PRKAG2: variants seen among roughly 807,000 people sequenced by gnomAD.
PRKAG2 encodes the protein protein kinase AMP-activated non-catalytic subunit gamma 2.
Under a neutral mutation model 69.6 loss-of-function variants are expected in PRKAG2, and 26 were observed. That is an observed-to-expected ratio of 0.37 (90% CI 0.27 to 0.52). The LOEUF is 0.52. Among genes scored for constraint, PRKAG2 ranks in the 20% least tolerant of loss-of-function variants. The pLI, the probability that PRKAG2 is intolerant of heterozygous loss-of-function variation, is 0.90. For missense variants in PRKAG2, 557 were observed against 740.0 expected, an observed-to-expected ratio of 0.75 and a Z score of 2.87; for synonymous variants, 293 against 285.0, an observed-to-expected ratio of 1.03 and a Z score of -0.28.
In PRKAG2 at chr7:151,813,724, G is replaced by A. The variant is rs112203305; in HGVS notation, c.115-27183C>T. 9.9e-3 allele frequency among the ~76,000 whole-genome samples: 1,503 copies of A among 152,162 alleles called. 21 individuals carry two copies. The highest frequency in any genetic ancestry group is 0.034 in the African/African-American group (1,408 of 41,516). Reference sequence around the variant, plus strand: ...TTCAGCCACTGAGGAGGCCATCTACGATCTTCTCTTCCTTCCCTTCCTCTC... The same window carrying A: ...TTCAGCCACTGAGGAGGCCATCTACAATCTTCTCTTCCTTCCCTTCCTCTC... On this transcript the variant is annotated intron_variant, in intron 1 of 15. Transcript: ENST00000287878.
chr7:151,626,638 T>C (rs531122021), intron 5 of PRKAG2, among the ~76,000 whole-genome samples: 2 of 152,204 alleles, frequency 1.3e-5, no homozygotes, highest in East Asian at 1.9e-4. Flanking sequence ...TGCCCCGCAG[T>C]AGAGTCAAGA....
chr7:151,629,287 G>C (rs763820198), intron 5 of PRKAG2, among the ~76,000 whole-genome samples: 92 of 152,230 alleles, frequency 6.0e-4, no homozygotes, highest in Non-Finnish European at 1.1e-3. Context: ...TCTGTGAACC[G>C]GCAGCAGGAG....
chr7:151,641,413 A>C (rs1826678598), intron 4 of PRKAG2, among the ~76,000 whole-genome samples: 1 of 151,558 alleles, frequency 6.6e-6, no homozygotes, highest in Middle Eastern at 3.2e-3. Flanking sequence ...ACACCCAGCA[A>C]ATTTTTTGTA....
In PRKAG2 at chr7:151,598,962, C is replaced by G. The variant is rs1199442957; in HGVS notation, c.755-3508G>C. 2.0e-5 allele frequency among the ~76,000 whole-genome samples: 3 copies of G among 152,058 alleles called. No homozygotes were observed. In the East Asian group the frequency reaches 5.8e-4, roughly 29 times the overall value. ...TGCCTCCAAGGTTCAAGAGATTCTC[C>G]TGCCTCAGCCTCCCGAGTAGCTGGG... is the stretch of plus-strand genomic sequence containing the variant. On this transcript the variant is annotated intron_variant, in intron 5 of 15. Coordinates refer to ENST00000287878, the MANE Select transcript of PRKAG2 (RefSeq NM_016203.4).
At position 151,632,491 on chromosome 7, in the gene PRKAG2, G is replaced by T; in HGVS notation, c.685-353C>A. ...GGGCCCGGGGCGCCCCCCTCCGGCC[G>T]TGGCCCGCGTCCTCCCCGCCGTGCC... is the stretch of plus-strand genomic sequence containing the variant. On this transcript the variant is annotated intron_variant, in intron 4 of 15. Coordinates refer to ENST00000287878, the MANE Select transcript of PRKAG2 (RefSeq NM_016203.4). This position sits in a 1 kb window ranked among gnomAD's most constrained non-coding sequence, Gnocchi z 4.2. The T allele has an allele frequency of 2.3e-6, 2 of 855,166 alleles. No homozygotes were observed. Among genetic ancestry groups the T allele is most frequent in the Non-Finnish European group, 1.4e-6 (1 of 712,004 alleles). 53.0% of individuals were successfully genotyped at this position (855,166 alleles called of 1,614,324 possible). A position where few individuals can be genotyped will look rare whatever the true frequency, so the allele number is the denominator to read the frequency against.
intron 1 of PRKAG2, among the ~76,000 whole-genome samples, chr7:151,798,597 GA>G (rs1168964432): frequency 4.6e-5 from 7 of 152,368 alleles, no homozygotes; most frequent in Admixed American, 3.3e-4. Flanking sequence ...TTACAGGCAT[GA>G]GCCGCTGTAC....
intron 3 of PRKAG2, among the ~76,000 whole-genome samples, chr7:151,722,414 A>G (rs1023515124): frequency 1.3e-5 from 2 of 152,110 alleles, no homozygotes; most frequent in African/African-American, 4.8e-5. Flanking sequence ...TCAGCCAAGG[A>G]TGTCTTGCCA....
Position 151,876,958 on chromosome 7 carries a change from C to T in PRKAG2, c.-338G>A, listed in dbSNP as rs73728442. 42 of 399,304 alleles carry T rather than the reference C, an allele frequency of 1.1e-4. No individual in the cohort carries two copies. Among genetic ancestry groups the T allele is most frequent in the African/African-American group, 8.2e-4 (40 of 49,064 alleles). The allele number at this position is 399,304 out of a possible 1,614,324, so 24.7% of individuals were successfully genotyped here. A position where few individuals can be genotyped will look rare whatever the true frequency, so the allele number is the denominator to read the frequency against. ...TGCAAAGCTAAGAAACATTTTCCAC[C>T]CTCTCGGCTCCTCCCACAGATTCCC... On this transcript the variant is annotated 5_prime_UTR_variant, in exon 1 of 16. Transcript: ENST00000287878.
At chr7:151,838,258 G>A (rs1029687991) in intron 1 of PRKAG2, among the ~76,000 whole-genome samples, 1 of 152,144 alleles carries the variant, frequency 6.6e-6, no homozygotes, top group Non-Finnish European at 1.5e-5. Flanking sequence ...GGGCTGTGGC[G>A]TTGCACCACT....
chr7:151,814,334 G>A lies in PRKAG2; in HGVS notation c.115-27793C>T. ...CAGTCTTACACACCAAGGAGACAAA[G>A]CATCGTGAGGGGGAAAACCGCACAC... On this transcript the variant is annotated intron_variant, in intron 1 of 15. Coordinates refer to ENST00000287878, the MANE Select transcript of PRKAG2 (RefSeq NM_016203.4). The surrounding 1 kb of genome is among the most constrained non-coding windows in gnomAD (Gnocchi z 4.8). 6.1e-6 allele frequency: 6 copies of A among 980,490 alleles called. No homozygotes were observed. Among genetic ancestry groups the A allele is most frequent in the Non-Finnish European group, 7.7e-6 (6 of 776,942 alleles). The allele number at this position is 980,490 out of a possible 1,614,324, so 60.7% of individuals were successfully genotyped here.
chr7:151,684,743 A>T (rs1563423081), intron 3 of PRKAG2, among the ~76,000 whole-genome samples: 1 of 152,012 alleles, frequency 6.6e-6, no homozygotes, highest in African/African-American at 2.4e-5. Context: ...CTCAGTGTGG[A>T]GGTGAGAAAT....
rs547045396 is a variant in PRKAG2 at position 151,828,710 on chromosome 7, C to T, written c.115-42169G>A. 1.6e-4 allele frequency among the ~76,000 whole-genome samples: 24 copies of T among 150,406 alleles called. No homozygotes were observed. Among genetic ancestry groups the T allele is most frequent in the African/African-American group, 5.2e-4 (21 of 40,770 alleles). On this transcript the variant is annotated intron_variant, in intron 1 of 15. Coordinates refer to ENST00000287878, the MANE Select transcript of PRKAG2 (RefSeq NM_016203.4). The surrounding 1 kb of genome is among the most constrained non-coding windows in gnomAD (Gnocchi z 4.6). Reference sequence around the variant, plus strand: ...CCAAAATGGGAGGACTGCTTGAGCTCGGGAGTTTGAGACCAGACTGGACAA... The same window carrying T: ...CCAAAATGGGAGGACTGCTTGAGCTTGGGAGTTTGAGACCAGACTGGACAA...
At chr7:151,874,820 T>C (rs1194869343) in intron 1 of PRKAG2, among the ~76,000 whole-genome samples, 4 of 152,066 alleles carry the variant, frequency 2.6e-5, no homozygotes, top group Non-Finnish European at 5.9e-5. Flanking sequence ...CCTGGGGAGG[T>C]TGAGGCTGCA....
intron 8 of PRKAG2, 26 bp downstream of exon 8, chr7:151,574,865 C>G: frequency 6.2e-7 from 1 of 1,613,560 alleles, no homozygotes; most frequent in Non-Finnish European, 8.5e-7. Context: ...GCTCCAACTA[C>G]TGACATAGGA....
intron 4 of PRKAG2, among the ~76,000 whole-genome samples, chr7:151,652,896 G>C (rs190123963): frequency 6.6e-6 from 1 of 152,304 alleles, no homozygotes; most frequent in Admixed American, 6.5e-5. Flanking sequence ...CAGGATTACA[G>C]ATGGAAGCCA....
At chr7:151,634,514 A>G (rs1041361086) in intron 4 of PRKAG2, among the ~76,000 whole-genome samples, 1 of 152,258 alleles carries the variant, frequency 6.6e-6, no homozygotes, top group Non-Finnish European at 1.5e-5. Context: ...GATGAAAAGA[A>G]AAGCTACACA....
intron 1 of PRKAG2, among the ~76,000 whole-genome samples, chr7:151,843,467 T>G (rs1429249984): frequency 1.3e-5 from 2 of 152,192 alleles, no homozygotes; most frequent in Non-Finnish European, 2.9e-5. Context: ...GTGGCTTCAT[T>G]GTTGTTTTCC....
chr7:151,752,581 A>G (rs533624433), intron 3 of PRKAG2, among the ~76,000 whole-genome samples: 1 of 152,332 alleles, frequency 6.6e-6, no homozygotes, highest in African/African-American at 2.4e-5. Flanking sequence ...AATTTTTTAA[A>G]ATATTTGATA....
At chr7:151,804,178 G>A (rs73728302) in intron 1 of PRKAG2, among the ~76,000 whole-genome samples, 28 of 152,232 alleles carry the variant, frequency 1.8e-4, no homozygotes, top group African/African-American at 5.8e-4. Context: ...ATATCAGCAC[G>A]TAGGGATTTG....
Sources: allele counts gnomAD v4.1 joint callset (sites outside exome capture counted in the v4.1 genomes callset), GRCh38; gene constraint gnomAD v4.1.1; non-coding constraint Gnocchi (gnomAD v3.1); transcripts MANE v1.5; gene names NCBI Gene and HGNC (gene_info 2026-07-23, HGNC 2026-07-21).